Variants in DPP10 observed in about 807,000 individuals in gnomAD.
DPP10 encodes the protein dipeptidyl peptidase like 10.
Under a neutral mutation model 120.9 loss-of-function variants are expected in DPP10, and 33 were observed. That is an observed-to-expected ratio of 0.27 (90% CI 0.21 to 0.37). The LOEUF is 0.37. Ranked by LOEUF, DPP10 falls within the 10% of genes least tolerant of loss-of-function variation. DPP10 has a pLI of 1.00. For missense variants in DPP10, 816 were observed against 942.8 expected, an observed-to-expected ratio of 0.87 and a Z score of 1.76; for synonymous variants, 337 against 326.1, an observed-to-expected ratio of 1.03 and a Z score of -0.36.
chr2:114,638,558 C>T (rs1372823030), intron 1 of DPP10, among the ~76,000 whole-genome samples: 1 of 151,724 alleles, frequency 6.6e-6, no homozygotes, highest in Non-Finnish European at 1.5e-5. Context: ...AGAAATGCAA[C>T]TCAGAACCAC....
intron 1 of DPP10, among the ~76,000 whole-genome samples, chr2:114,726,020 CAGG>C (rs1702019258): frequency 1.3e-5 from 2 of 152,184 alleles, no homozygotes; most frequent in South Asian, 4.2e-4. Flanking sequence ...ATCACGAGGT[CAGG>C]AGATCGAGAC....
chr2:115,508,290 T>C (rs2077053442), intron 4 of DPP10, among the ~76,000 whole-genome samples: 1 of 152,104 alleles, frequency 6.6e-6, no homozygotes, highest in Non-Finnish European at 1.5e-5. Context: ...CATAATATTT[T>C]ATATGCTTTT....
intron 3 of DPP10, among the ~76,000 whole-genome samples, chr2:115,460,625 G>A (rs1196428086): frequency 6.6e-6 from 1 of 152,078 alleles, no homozygotes; most frequent in Non-Finnish European, 1.5e-5. Context: ...CTTTGACAGG[G>A]TAGAGTTACA....
intron 3 of DPP10, among the ~76,000 whole-genome samples, chr2:115,450,057 G>C (rs949885257): frequency 6.6e-6 from 1 of 151,854 alleles, no homozygotes; most frequent in Non-Finnish European, 1.5e-5. Context: ...TTTAATACAG[G>C]TACTCTTGGA....
chr2:114,861,744 C>A (rs552246944), intron 1 of DPP10, among the ~76,000 whole-genome samples: 2 of 152,066 alleles, frequency 1.3e-5, no homozygotes, highest in South Asian at 4.2e-4. Flanking sequence ...CTTCACTAAG[C>A]AGGATCTGGT....
chr2:115,324,362 T>G (rs909565648), intron 2 of DPP10, among the ~76,000 whole-genome samples: 1 of 152,174 alleles, frequency 6.6e-6, no homozygotes, highest in Non-Finnish European at 1.5e-5. Flanking sequence ...CATAGCCACC[T>G]TCATCAACGA....
At chr2:115,584,396 T>C (rs1261778282) in intron 5 of DPP10, among the ~76,000 whole-genome samples, 4 of 151,576 alleles carry the variant, frequency 2.6e-5, no homozygotes, top group African/African-American at 9.7e-5. Flanking sequence ...GAGGGATGGA[T>C]TATGGACAAG....
intron 1 of DPP10, among the ~76,000 whole-genome samples, chr2:115,255,489 T>C (rs1215877007): frequency 6.6e-6 from 1 of 152,250 alleles, no homozygotes; most frequent in East Asian, 1.9e-4. Flanking sequence ...CTCTGCTCCT[T>C]GTTACTTATG....
Position 115,089,019 on chromosome 2 carries a change from G to A in DPP10, c.61-220220G>A, listed in dbSNP as rs147316767. Among the ~76,000 whole-genome samples, 339 of 152,082 alleles carry A rather than the reference G, an allele frequency of 2.2e-3. 1 individual carries two copies. Among genetic ancestry groups the A allele is most frequent in the African/African-American group, 7.7e-3 (318 of 41,496 alleles). ...CCCTCATCCTCAGAGTAACATCCTG[G>A]AGAGCTGTCATCATCCAAGCTTGCC... is the stretch of plus-strand genomic sequence containing the variant. On this transcript the variant is annotated intron_variant, in intron 1 of 25. Coordinates refer to ENST00000410059, the MANE Select transcript of DPP10 (RefSeq NM_020868.6).
chr2:115,225,470 T>C (rs1430677608), intron 1 of DPP10, among the ~76,000 whole-genome samples: 1 of 149,808 alleles, frequency 6.7e-6, no homozygotes, highest in Non-Finnish European at 1.5e-5. Context: ...GAAACACTTA[T>C]ATATTGAAGT....
At chr2:115,443,719 G>T (rs2072297360) in intron 3 of DPP10, among the ~76,000 whole-genome samples, 1 of 152,102 alleles carries the variant, frequency 6.6e-6, no homozygotes, top group African/African-American at 2.4e-5. Flanking sequence ...GACATACTGA[G>T]TCAGAAATAC....
intron 1 of DPP10, among the ~76,000 whole-genome samples, chr2:114,747,788 A>G (rs997753978): frequency 1.3e-5 from 2 of 152,202 alleles, no homozygotes; most frequent in Admixed American, 1.3e-4. Context: ...ATTCCTAAAA[A>G]TACTTATTTG....
intron 1 of DPP10, among the ~76,000 whole-genome samples, chr2:115,056,418 A>G (rs113185538): frequency 6.6e-6 from 1 of 152,212 alleles, no homozygotes; most frequent in Non-Finnish European, 1.5e-5. Flanking sequence ...TTGCTCTGTC[A>G]CTCAGGCTGG....
intron 1 of DPP10, among the ~76,000 whole-genome samples, chr2:114,485,948 C>T (rs1681479072): frequency 6.6e-6 from 1 of 152,110 alleles, no homozygotes; most frequent in Non-Finnish European, 1.5e-5. Context: ...CTACTTTGTT[C>T]CGCACTACCC....
intron 1 of DPP10, among the ~76,000 whole-genome samples, chr2:114,506,100 C>T (rs1313088270): frequency 6.6e-6 from 1 of 152,226 alleles, no homozygotes; most frequent in Non-Finnish European, 1.5e-5. Context: ...CCTGAAACCA[C>T]AGCCCAAAGT....
intron 1 of DPP10, among the ~76,000 whole-genome samples, chr2:114,955,100 G>A (rs1025587871): frequency 4.6e-5 from 7 of 152,156 alleles, no homozygotes; most frequent in Non-Finnish European, 8.8e-5. Context: ...TAACAGAATG[G>A]CTAATCCATA....
chr2:114,832,104 G>A (rs1400018954), intron 1 of DPP10, among the ~76,000 whole-genome samples: 1 of 151,914 alleles, frequency 6.6e-6, no homozygotes, highest in African/African-American at 2.4e-5. Context: ...TTAGTCCTAA[G>A]TTATGAAATA....
At position 115,471,868 on chromosome 2, in the gene DPP10, C is replaced by A. The variant is rs188263207; in HGVS notation, c.272-27642C>A. On this transcript the variant is annotated intron_variant, in intron 3 of 25. Coordinates refer to ENST00000410059, the MANE Select transcript of DPP10 (RefSeq NM_020868.6). Reference sequence around the variant, plus strand: ...GTCCTGGGCTCGAGTGATCAACTGCCTCAGCCTCCCAAAGTGCTAGGACTG... The same window carrying A: ...GTCCTGGGCTCGAGTGATCAACTGCATCAGCCTCCCAAAGTGCTAGGACTG... 6.6e-5 allele frequency among the ~76,000 whole-genome samples: 10 copies of A among 152,156 alleles called. No homozygotes were observed. In the East Asian group the frequency reaches 1.7e-3, roughly 27 times the overall value.
intron 1 of DPP10, among the ~76,000 whole-genome samples, chr2:114,742,352 A>T (rs1051581954): frequency 1.3e-5 from 2 of 152,236 alleles, no homozygotes; most frequent in African/African-American, 2.4e-5. Context: ...AGAAAAAACT[A>T]AAAAATATTT....
Sources: gnomAD v4.1 joint callset for allele counts (sites outside exome capture counted in the v4.1 genomes callset) on GRCh38, gnomAD v4.1.1 for gene constraint, MANE v1.5 for transcripts, NCBI Gene and HGNC (gene_info 2026-07-23, HGNC 2026-07-21) for gene names.